SMARCC2: variants seen among roughly 807,000 people sequenced by gnomAD.
The protein encoded by SMARCC2 is SWI/SNF related BAF chromatin remodeling complex subunit C2.
SMARCC2 carries 15 observed loss-of-function variants against 151.3 expected under a neutral mutation model. That is an observed-to-expected ratio of 0.10 (90% CI 0.07 to 0.15). SMARCC2 has a LOEUF of 0.15. Among genes scored for constraint, SMARCC2 ranks in the 10% least tolerant of loss-of-function variants. The pLI, the probability that SMARCC2 is intolerant of heterozygous loss-of-function variation, is 1.00. For synonymous variants in SMARCC2, 590 were observed against 609.5 expected (o/e 0.97, Z 0.47); for missense variants, 1,031 against 1,599.7 (o/e 0.64, Z 6.06).
At position 56,184,156 on chromosome 12, in the gene SMARCC2, A is replaced by G; in HGVS notation, c.562+19T>C. On this transcript the variant is annotated intron_variant, in intron 6 of 28. Coordinates refer to ENST00000550164, the MANE Select transcript of SMARCC2 (RefSeq NM_001330288.2). ...GTCCAAACCATCCACTCAAGTGGACAGGAAAACCCAGGTCTCACCTTCTTC... is the reference window on the plus strand; with the variant it reads ...GTCCAAACCATCCACTCAAGTGGACGGGAAAACCCAGGTCTCACCTTCTTC... The G allele has an allele frequency of 6.3e-7, 1 of 1,597,022 alleles. No homozygotes were observed. The highest frequency in any genetic ancestry group is 8.6e-7 in the Non-Finnish European group (1 of 1,164,786).
rs1433161294 is a variant in SMARCC2, at chr12:56,169,599, C to T, written c.2645G>A (p.Arg882Gln). Residue 882 changes from arginine (R) to glutamine (Q), a missense_variant, in exon 25 of 29, where the codon CGG becomes CAG. Physicochemically the swap from Arg to Gln is conservative, Grantham distance 43 (BLOSUM62 1). This residue lies in a region of SMARCC2 where 49 missense variants were observed against 134.8 expected (regional missense o/e 0.36). Transcript: ENST00000550164. ...SEGERKTKVE[R>Q]DIGEGNLSTA... Reference sequence around the variant, plus strand: ...GGAGAGGTTGCCCTCGCCAATGTCCCGCTCCACCTTTGTCTTCCTTTCCCC... The same window carrying T: ...GGAGAGGTTGCCCTCGCCAATGTCCTGCTCCACCTTTGTCTTCCTTTCCCC... The T allele has an allele frequency of 6.2e-7, 1 of 1,613,926 alleles. No individual in the cohort carries two copies. The highest frequency in any genetic ancestry group is 1.3e-5 in the African/African-American group (1 of 74,926).
chr12:56,182,456 C>G (rs899115856), intron 7 of SMARCC2, among the ~76,000 whole-genome samples: 1 of 151,786 alleles, frequency 6.6e-6, no homozygotes, highest in African/African-American at 2.4e-5. Flanking sequence ...TCCCGAGTAG[C>G]TGGGATTACA....
intron 2 of SMARCC2, 111 bp from the exon 3 acceptor site, chr12:56,186,351 T>G (rs926754283): frequency 5.0e-5 from 14 of 278,322 alleles, no homozygotes; most frequent in African/African-American, 2.8e-4. Context: ...TGATCTCCCT[T>G]TTTTTTTTTT....
chr12:56,177,368 C>T (rs944038887), intron 15 of SMARCC2, among the ~76,000 whole-genome samples: 4 of 152,164 alleles, frequency 2.6e-5, no homozygotes, highest in African/African-American at 4.8e-5. Flanking sequence ...TTTCAGCTTC[C>T]GAAGTAGCTG....
At chr12:56,182,578 C>T (rs1466729877) in intron 7 of SMARCC2, among the ~76,000 whole-genome samples, 2 of 151,522 alleles carry the variant, frequency 1.3e-5, no homozygotes, top group East Asian at 1.9e-4. Flanking sequence ...CCACCTCGGC[C>T]TCTCAAAGTG....
Position 56,168,182 on chromosome 12 carries a change from C to T in SMARCC2, c.2728G>A (p.Val910Ile). ...AAAGATTTGATCTTCCTTTCCTCAA[C>T]AGCAGCCAAGTGCTAGGGAAGGAGG... ...AAVKAKHLAA[V>I]EERKIKSLVA... is the part of the protein sequence containing the mutation. Residue 910 changes from valine to isoleucine, a missense_variant, in exon 26 of 29, where the codon GTT becomes ATT. By Grantham distance (29) the Val-to-Ile change is conservative (BLOSUM62 3). Transcript: ENST00000550164. 6.2e-7 allele frequency: 1 copy of T among 1,614,066 alleles called. No homozygotes were observed. The highest frequency in any genetic ancestry group is 8.5e-7 in the Non-Finnish European group (1 of 1,180,000).
rs1470485260 is a variant in SMARCC2, at chr12:56,187,174, C to T, written c.231+13G>A. ...CCACCACCCCCCACCCTCCCTGCTACTTCTGCACTCACCGGCAGTTTAGTG... is the reference window on the plus strand; with the variant it reads ...CCACCACCCCCCACCCTCCCTGCTATTTCTGCACTCACCGGCAGTTTAGTG... On this transcript the variant is annotated intron_variant, in intron 2 of 28. Transcript: ENST00000550164. 3 of 1,612,634 alleles carry T rather than the reference C, an allele frequency of 1.9e-6. No homozygotes were observed. The highest frequency in any genetic ancestry group is 2.5e-6 in the Non-Finnish European group (3 of 1,178,932).
In SMARCC2 at chr12:56,171,505, C is replaced by T; in HGVS notation, c.2186-73G>A. 1.3e-6 allele frequency: 2 copies of T among 1,588,870 alleles called. No homozygotes were observed. Among genetic ancestry groups the T allele is most frequent in the South Asian group, 1.1e-5 (1 of 89,432 alleles). On this transcript the variant is annotated intron_variant, in intron 21 of 28. Transcript: ENST00000550164. The surrounding 1 kb of genome is among the most constrained non-coding windows in gnomAD (Gnocchi z 4.2). ...TTCTGGCAATCCCTGCAAAAGCTTA[C>T]TCACAAGCCCATGTCTTCATCTAAG...
chr12:56,164,204 G>GGAAACTCT, intron 28 of SMARCC2, 99 bp downstream of exon 28: 1 of 1,070,282 alleles, frequency 9.3e-7, no homozygotes, highest in South Asian at 1.4e-5. Flanking sequence ...AAAGGATTGT[G>GGAAACTCT]GAAACTCTAA....
rs1445728329 is a variant in SMARCC2, at chr12:56,164,416, G to C, written c.3548C>G (p.Thr1183Ser). The change falls in exon 28 of 29, where the codon ACC (threonine) becomes AGC (serine). Residue 1183 changes from threonine (T) to serine (S), a missense_variant. Thr to Ser is a moderately conservative substitution (Grantham distance 58). Transcript: ENST00000550164. ...CCCGAGAGGCAAGGAAGATGGCATG[G>C]TGGTGGTCGCCGGCAGGTTAGGATG... ...PLHPNLPATT[T>S]MPSSLPLGPG... is the part of the protein sequence containing the mutation. 6.2e-7 allele frequency: 1 copy of C among 1,614,054 alleles called. No homozygotes were observed. Among genetic ancestry groups the C allele is most frequent in the Non-Finnish European group, 8.5e-7 (1 of 1,180,028 alleles).
At chr12:56,181,384 T>C (rs1442004627) in intron 10 of SMARCC2, 98 bp downstream of exon 10, 1 of 773,996 alleles carries the variant, frequency 1.3e-6, no homozygotes, top group African/African-American at 1.7e-5. Context: ...CACACCCAGG[T>C]CAGGGCCAGG....
Position 56,171,561 on chromosome 12 carries a change from T to TGAGGCCCGCACAGAC in SMARCC2, c.2185+103_2185+117dup. 6.7e-7 allele frequency: 1 copy of TGAGGCCCGCACAGAC among 1,494,864 alleles called. No individual in the cohort carries two copies. Among genetic ancestry groups the TGAGGCCCGCACAGAC allele is most frequent in the Non-Finnish European group, 9.1e-7 (1 of 1,096,696 alleles). The allele number at this position is 1,494,864 out of a possible 1,614,324, so 92.6% of individuals were successfully genotyped here. A position where few individuals can be genotyped will look rare whatever the true frequency, so the allele number is the denominator to read the frequency against. ...ATGGAGCCTAGACAGGTGCCTGAGCTGAGGCCCGCACAGACAAGGCCAGCA... is the reference window on the plus strand; with the variant it reads ...ATGGAGCCTAGACAGGTGCCTGAGCTGAGGCCCGCACAGACGAGGCCCGCACAGACAAGGCCAGCA... On this transcript the variant is annotated intron_variant, in intron 21 of 28. Coordinates refer to ENST00000550164, the MANE Select transcript of SMARCC2 (RefSeq NM_001330288.2). The surrounding 1 kb of genome is among the most constrained non-coding windows in gnomAD (Gnocchi z 4.2).
chr12:56,181,029 C>T lies in SMARCC2; in HGVS notation c.1029G>A (p.Met343Ile). ...EEEQEDLTKD[M>I]DEPSPVPNVE... Reference sequence around the variant, plus strand: ...CATTGGGGACTGGTGAGGGCTCGTCCATGTCCTTTGTCAGGTCTTCTTGCT... The same window carrying T: ...CATTGGGGACTGGTGAGGGCTCGTCTATGTCCTTTGTCAGGTCTTCTTGCT... Residue 343 changes from methionine (M) to isoleucine (I), a missense_variant, in exon 11 of 29, where the codon ATG (methionine) becomes ATA (isoleucine). Coordinates refer to ENST00000550164, the MANE Select transcript of SMARCC2 (RefSeq NM_001330288.2). The T allele has an allele frequency of 1.2e-6, 2 of 1,613,972 alleles. No individual in the cohort carries two copies. Among genetic ancestry groups the T allele is most frequent in the Non-Finnish European group, 8.5e-7 (1 of 1,179,958 alleles).
In SMARCC2 at chr12:56,173,179, G is replaced by A. The variant is rs1874280374; in HGVS notation, c.1651-150C>T. The stretch of plus-strand genomic sequence containing the variant: ...GTTCCCTTCATGATTAATAAGACAT[G>A]TCGTTGGCATGATATCCATACATAT... On this transcript the variant is annotated intron_variant, in intron 17 of 28. Transcript: ENST00000550164. 3 of 653,250 alleles carry A rather than the reference G, an allele frequency of 4.6e-6. No individual in the cohort carries two copies. The Admixed American group carries it at 7.7e-5, about 17-fold the overall frequency. The allele number at this position is 653,250 out of a possible 1,614,324, so 40.5% of individuals were successfully genotyped here. A position where few individuals can be genotyped will look rare whatever the true frequency, so the allele number is the denominator to read the frequency against.
chr12:56,168,211 G>A lies in SMARCC2; in HGVS notation c.2716-17C>T, dbSNP rs746869367. On this transcript the variant is annotated splice_polypyrimidine_tract_variant and intron_variant, in intron 25 of 28. Transcript: ENST00000550164. The stretch of plus-strand genomic sequence containing the variant: ...AGCCAAGTGCTAGGGAAGGAGGGGC[G>A]AGACAGCACATCAGTGGGAGGACCC... 16 of 1,613,876 alleles carry A rather than the reference G, an allele frequency of 9.9e-6. No homozygotes were observed. The South Asian group carries it at 1.3e-4, about 13-fold the overall frequency.
intron 1 of SMARCC2, among the ~76,000 whole-genome samples, 168 bp from the exon 2 acceptor site, chr12:56,187,474 C>T (rs1877480821): frequency 6.6e-6 from 1 of 152,108 alleles, no homozygotes; most frequent in East Asian, 1.9e-4. Flanking sequence ...CCCTGGACAC[C>T]CCAACCAGGA....
At chr12:56,180,513 C>T (rs1158396209) in intron 11 of SMARCC2, among the ~76,000 whole-genome samples, 1 of 151,840 alleles carries the variant, frequency 6.6e-6, no homozygotes, top group Admixed American at 6.6e-5. Context: ...AAGCAATTCT[C>T]CTGCCTCGGT....
In SMARCC2 at chr12:56,167,349, A is replaced by AAATG. The variant is rs373010411; in HGVS notation, c.2850+710_2850+711insCATT. Among the ~76,000 whole-genome samples, 50 of 147,754 alleles carry AAATG rather than the reference A, an allele frequency of 3.4e-4. No homozygotes were observed. The East Asian group carries it at 8.0e-3, about 24-fold the overall frequency. Reference sequence around the variant, plus strand: ...GGCAACAAGAGCGAAACTCTGTCTCAAATAAATAAATAAATAAATAAATAA... The same window carrying AAATG: ...GGCAACAAGAGCGAAACTCTGTCTCAAATGAATAAATAAATAAATAAATAAATAA... On this transcript the variant is annotated intron_variant, in intron 26 of 28. Coordinates refer to ENST00000550164, the MANE Select transcript of SMARCC2 (RefSeq NM_001330288.2).
At position 56,171,641 on chromosome 12, in the gene SMARCC2, A is replaced by C; in HGVS notation, c.2185+38T>G. 6.6e-7 allele frequency: 1 copy of C among 1,523,418 alleles called. No homozygotes were observed. Among genetic ancestry groups the C allele is most frequent in the Non-Finnish European group, 8.8e-7 (1 of 1,137,912 alleles). The allele number at this position is 1,523,418 out of a possible 1,614,324, so 94.4% of individuals were successfully genotyped here. On this transcript the variant is annotated intron_variant, in intron 21 of 28. Coordinates refer to ENST00000550164, the MANE Select transcript of SMARCC2 (RefSeq NM_001330288.2). The surrounding 1 kb of genome is among the most constrained non-coding windows in gnomAD (Gnocchi z 4.2). ...CTGAGTAACTAGCCCTTCAAAAGCAAACTAAGAAGGCCAGGTGGAACCACC... is the reference window on the plus strand; with the variant it reads ...CTGAGTAACTAGCCCTTCAAAAGCACACTAAGAAGGCCAGGTGGAACCACC...
Sources: allele counts gnomAD v4.1 joint callset (sites outside exome capture counted in the v4.1 genomes callset), GRCh38; gene constraint gnomAD v4.1.1; regional missense constraint gnomAD v4.1.1; non-coding constraint Gnocchi (gnomAD v3.1); transcripts MANE v1.5; gene names NCBI Gene and HGNC (gene_info 2026-07-23, HGNC 2026-07-21).